The following MRRF variants were observed in gnomAD, a reference collection of about 807,000 sequenced individuals.
The protein encoded by MRRF is mitochondrial ribosome recycling factor, also known as ribosome-recycling factor, mitochondrial.
In MRRF, 18 loss-of-function variants were observed where a neutral mutation model predicts 25.1. The observed-to-expected ratio is 0.72, with a 90% CI of 0.50 to 1.06. The LOEUF is 1.06. Among genes scored for constraint, MRRF ranks in the 50% least tolerant of loss-of-function variants. The pLI is 0.00. For missense variants in MRRF, 323 were observed against 319.3 expected (o/e 1.01, Z -0.09); for synonymous variants, 113 against 112.1 (o/e 1.01, Z -0.05).
At chr9:122,301,450 T>C (rs1020662527) in intron 5 of MRRF, among the ~76,000 whole-genome samples, 2 of 152,126 alleles carry the variant, frequency 1.3e-5, no homozygotes, top group Non-Finnish European at 2.9e-5. Context: ...GCTTTGTGCT[T>C]TTAGGCTACT....
intron 5 of MRRF, among the ~76,000 whole-genome samples, chr9:122,295,575 AG>A (rs1158087442): frequency 2.0e-5 from 3 of 151,740 alleles, no homozygotes; most frequent in Admixed American, 6.6e-5. Flanking sequence ...CCTCCCAGGT[AG>A]CTGGGATTAC....
intron 3 of MRRF, among the ~76,000 whole-genome samples, chr9:122,281,037 T>C (rs2118691458): frequency 6.6e-6 from 1 of 152,344 alleles, no homozygotes; most frequent in African/African-American, 2.4e-5. Flanking sequence ...GTCCGATTTT[T>C]CCAATTTGTC....
intron 3 of MRRF, 84 bp downstream of exon 3, chr9:122,280,682 G>A: frequency 7.3e-7 from 1 of 1,369,550 alleles, no homozygotes; most frequent in Non-Finnish European, 1.0e-6. Context: ...TCCCAGCTTT[G>A]CCATTTACTA....
intron 6 of MRRF, among the ~76,000 whole-genome samples, chr9:122,322,323 AC>A (rs1411568697): frequency 6.6e-6 from 1 of 152,040 alleles, no homozygotes; most frequent in East Asian, 1.9e-4. Flanking sequence ...AGATTGCACC[AC>A]TGCACTCCAG....
intron 3 of MRRF, among the ~76,000 whole-genome samples, chr9:122,282,471 A>G (rs940689146): frequency 2.1e-4 from 32 of 152,250 alleles, no homozygotes; most frequent in Admixed American, 1.7e-3. Flanking sequence ...TCAAACAAGT[A>G]AACCAACATG....
chr9:122,271,173 C>T (rs900926617), intron 2 of MRRF, 98 bp downstream of exon 2: 2 of 1,053,646 alleles, frequency 1.9e-6, no homozygotes, highest in Admixed American at 1.7e-5. Flanking sequence ...AATTTCTCCC[C>T]TTGCTAACAT....
At chr9:122,277,430 T>C (rs936676496) in intron 2 of MRRF, among the ~76,000 whole-genome samples, 1 of 152,254 alleles carries the variant, frequency 6.6e-6, no homozygotes, top group Admixed American at 6.5e-5. Flanking sequence ...TAAAAACCGT[T>C]ATGTTATATT....
At chr9:122,273,863 T>C (rs1264484058) in intron 2 of MRRF, among the ~76,000 whole-genome samples, 1 of 152,200 alleles carries the variant, frequency 6.6e-6, no homozygotes, top group Non-Finnish European at 1.5e-5. Context: ...TAATGGTTGT[T>C]TGTGCATTTT....
At chr9:122,301,130 A>G (rs1419737295) in intron 5 of MRRF, among the ~76,000 whole-genome samples, 1 of 152,132 alleles carries the variant, frequency 6.6e-6, no homozygotes, top group Admixed American at 6.5e-5. Flanking sequence ...TAGGAAGGAG[A>G]ATGCCACTGA....
intron 2 of MRRF, 147 bp downstream of exon 2, chr9:122,271,222 A>T: frequency 2.6e-6 from 2 of 766,910 alleles, no homozygotes; most frequent in Non-Finnish European, 4.6e-6. Context: ...GGATTAGCTT[A>T]AAAGGTTACA....
At chr9:122,292,751 A>G (rs73557015) in intron 5 of MRRF, among the ~76,000 whole-genome samples, 3,171 of 152,200 alleles carry the variant, frequency 0.021, 97 homozygotes, top group African/African-American at 0.068. Flanking sequence ...TGGTTTAACA[A>G]ATGGACTATA....
At chr9:122,318,660 T>C (rs1008992408) in intron 6 of MRRF, among the ~76,000 whole-genome samples, 2 of 152,208 alleles carry the variant, frequency 1.3e-5, no homozygotes, top group African/African-American at 4.8e-5. Flanking sequence ...AATTTGTAAG[T>C]AGCAAATGTG....
rs1836275508 is a variant in MRRF at position 122,331,282 on chromosome 9, A to G, written c.*8665A>G. ...AATTTAAATTAACGGACTATTACCTATTCTTAGAGCTTTCTCTTTTGTTTT... is the reference window on the plus strand; with the variant it reads ...AATTTAAATTAACGGACTATTACCTGTTCTTAGAGCTTTCTCTTTTGTTTT... On this transcript the variant is annotated 3_prime_UTR_variant, in exon 7 of 7. Transcript: ENST00000344641. 2.0e-5 allele frequency: 3 copies of G among 152,312 alleles called. No individual in the cohort carries two copies. Among genetic ancestry groups the G allele is most frequent in the South Asian group, 4.1e-4 (2 of 4,822 alleles). The allele number at this position is 152,312 out of a possible 1,614,324, so 9.4% of individuals were successfully genotyped here. A position where few individuals can be genotyped will look rare whatever the true frequency, so the allele number is the denominator to read the frequency against.
chr9:122,314,248 T>A (rs571112775), intron 6 of MRRF, among the ~76,000 whole-genome samples: 2 of 152,140 alleles, frequency 1.3e-5, no homozygotes, highest in African/African-American at 4.8e-5. Context: ...AGATCTTGGA[T>A]TGGGTTCAAA....
rs1244887926 is a variant in MRRF at position 122,323,805 on chromosome 9, A to G, written c.*1188A>G. On this transcript the variant is annotated 3_prime_UTR_variant, in exon 7 of 7. Coordinates refer to ENST00000344641, the MANE Select transcript of MRRF (RefSeq NM_138777.5). ...CTTGACAGTATTAGGTAATTTGCCC[A>G]AAGTAACAAAGCAAAGCTGATCAGT... is the stretch of plus-strand genomic sequence containing the variant. 2 of 152,220 alleles carry G rather than the reference A, an allele frequency of 1.3e-5. No individual in the cohort carries two copies. The highest frequency in any genetic ancestry group is 2.9e-5 in the Non-Finnish European group (2 of 68,036). The allele number at this position is 152,220 out of a possible 1,614,324, so 9.4% of individuals were successfully genotyped here. A position where few individuals can be genotyped will look rare whatever the true frequency, so the allele number is the denominator to read the frequency against.
chr9:122,322,368 A>T (rs1336638356), intron 6 of MRRF, among the ~76,000 whole-genome samples, 172 bp from the exon 7 acceptor site: 1 of 152,168 alleles, frequency 6.6e-6, no homozygotes, highest in Non-Finnish European at 1.5e-5. Context: ...GTCTCAAAAA[A>T]AAAAAAAGAA....
chr9:122,308,096 G>C (rs922152539), intron 5 of MRRF, among the ~76,000 whole-genome samples: 4 of 152,168 alleles, frequency 2.6e-5, no homozygotes, highest in African/African-American at 9.7e-5. Context: ...TGGAAGATCT[G>C]CCTGGTGGAG....
chr9:122,320,716 C>A (rs1459074817), intron 6 of MRRF, among the ~76,000 whole-genome samples: 3 of 152,242 alleles, frequency 2.0e-5, no homozygotes, highest in Admixed American at 6.5e-5. Context: ...TGGCCACCTC[C>A]CTGCCTGGGA....
intron 6 of MRRF, among the ~76,000 whole-genome samples, chr9:122,316,140 T>C (rs1226294324): frequency 6.6e-6 from 1 of 152,220 alleles, no homozygotes; most frequent in Non-Finnish European, 1.5e-5. Flanking sequence ...ATTTATATGA[T>C]ACGATATATC....
Sources: gnomAD v4.1 joint callset for allele counts (sites outside exome capture counted in the v4.1 genomes callset) on GRCh38, gnomAD v4.1.1 for gene constraint, MANE v1.5 for transcripts, NCBI Gene and HGNC (gene_info 2026-07-23, HGNC 2026-07-21) for gene names.